The following GNB4 variants were observed in gnomAD, a reference collection of about 807,000 sequenced individuals.
The protein encoded by GNB4 is G protein subunit beta 4, also known as guanine nucleotide-binding protein subunit beta-4.
Under a neutral mutation model 45.2 loss-of-function variants are expected in GNB4, and 28 were observed. The observed-to-expected ratio is 0.62, with a 90% CI of 0.46 to 0.85. GNB4 has a LOEUF of 0.85. GNB4 is among the 40% of genes least tolerant of loss of function. GNB4 has a pLI of 0.00. For synonymous variants in GNB4, 132 were observed against 143.7 expected, an observed-to-expected ratio of 0.92 and a Z score of 0.58; for missense variants, 321 against 425.4, an observed-to-expected ratio of 0.75 and a Z score of 2.16.
chr3:179,437,796 G>T (rs1219770034), intron 1 of GNB4: 1 of 151,978 alleles, frequency 6.6e-6, no homozygotes, highest in African/African-American at 2.4e-5. Context: ...GCCAGGCGCA[G>T]TGGCTCATGC....
chr3:179,417,053 CAAGT>C (rs2108593420), intron 4 of GNB4, among the ~76,000 whole-genome samples: 1 of 152,204 alleles, frequency 6.6e-6, no homozygotes, highest in African/African-American at 2.4e-5. Flanking sequence ...TATATTAAAT[CAAGT>C]AAGTAAAAAC....
intron 9 of GNB4, 38 bp from the exon 10 acceptor site, chr3:179,401,357 G>A (rs1714294918): frequency 1.4e-6 from 2 of 1,427,794 alleles, no homozygotes; most frequent in East Asian, 2.3e-5. Context: ...GCAATTGTAG[G>A]GTTTTAGAAT....
intron 1 of GNB4, among the ~76,000 whole-genome samples, chr3:179,443,599 C>A (rs1715648081): frequency 6.6e-6 from 1 of 152,144 alleles, no homozygotes; most frequent in Non-Finnish European, 1.5e-5. Flanking sequence ...CATCCAGTGT[C>A]TTTCACTGTA....
the GNB4 span, among the ~76,000 whole-genome samples, chr3:179,497,921 G>C: frequency 6.6e-6 from 1 of 152,160 alleles, no homozygotes; most frequent in Non-Finnish European, 1.5e-5. Flanking sequence ...GTGGAGAAAA[G>C]AGAATCTTAT....
At chr3:179,448,238 T>C (rs1204653739) in intron 1 of GNB4, among the ~76,000 whole-genome samples, 9 of 152,214 alleles carry the variant, frequency 5.9e-5, no homozygotes, top group African/African-American at 2.2e-4. Flanking sequence ...GTGCTGGGAT[T>C]ACAGGTGTGA....
At chr3:179,521,400 G>C in the GNB4 span, among the ~76,000 whole-genome samples, 1,328 of 152,244 alleles carry the variant, frequency 8.7e-3, 26 homozygotes, top group African/African-American at 0.03. Flanking sequence ...CCTGTCCTCG[G>C]AATGCTACAG....
chr3:179,501,824 T>C, the GNB4 span, among the ~76,000 whole-genome samples: 4 of 152,238 alleles, frequency 2.6e-5, no homozygotes, highest in African/African-American at 9.7e-5. Context: ...CTGTTTTCTC[T>C]ATCTTTAAGA....
At chr3:179,429,197 T>G (rs931296191) in intron 1 of GNB4, among the ~76,000 whole-genome samples, 1 of 152,182 alleles carries the variant, frequency 6.6e-6, no homozygotes, top group Non-Finnish European at 1.5e-5. Flanking sequence ...TGTCTCCTCA[T>G]GAGATGAAGA....
the GNB4 span, among the ~76,000 whole-genome samples, chr3:179,523,929 A>T: frequency 6.6e-6 from 1 of 152,132 alleles, no homozygotes; most frequent in Non-Finnish European, 1.5e-5. Flanking sequence ...GCAGGTGGGG[A>T]TAACTAAAAA....
chr3:179,523,837 C>A, the GNB4 span, among the ~76,000 whole-genome samples: 1 of 151,946 alleles, frequency 6.6e-6, no homozygotes, highest in Non-Finnish European at 1.5e-5. Flanking sequence ...AAAAGGGCGG[C>A]AATGAGGTGT....
At chr3:179,447,639 T>TG (rs1343139472) in intron 1 of GNB4, among the ~76,000 whole-genome samples, 2 of 152,116 alleles carry the variant, frequency 1.3e-5, no homozygotes, top group African/African-American at 4.8e-5. Context: ...ACAAACCAGT[T>TG]GGGGGGCTCC....
chr3:179,403,855 A>G (rs112626432), intron 9 of GNB4, among the ~76,000 whole-genome samples: 2,241 of 151,984 alleles, frequency 0.015, 66 homozygotes, highest in African/African-American at 0.052. Context: ...TAAAAAACAA[A>G]AAAAGTCAAA....
At chr3:179,523,135 T>G in the GNB4 span, among the ~76,000 whole-genome samples, 11,086 of 152,118 alleles carry the variant, frequency 0.073, 617 homozygotes, top group African/African-American at 0.16. Context: ...GGAAAGGAGC[T>G]GTTTCGTAGA....
intron 1 of GNB4, among the ~76,000 whole-genome samples, chr3:179,438,881 G>T (rs1185647493): frequency 6.6e-6 from 1 of 152,128 alleles, no homozygotes; most frequent in African/African-American, 2.4e-5. Flanking sequence ...TTAAATACTT[G>T]CCCCACCTCA....
chr3:179,413,929 C>G lies in GNB4; in HGVS notation c.431-148G>C, dbSNP rs1035467134. On this transcript the variant is annotated intron_variant, in intron 6 of 9. Transcript: ENST00000232564. ...TCTATAGTTCTACTTTTAGTTACTT[C>G]AAATCCTACATTGTCTATAAACCAA... 2.1e-5 allele frequency: 14 copies of G among 653,550 alleles called. No individual in the cohort carries two copies. In the African/African-American group the frequency reaches 2.6e-4, roughly 12 times the overall value. 40.5% of individuals were successfully genotyped at this position (653,550 alleles called of 1,614,324 possible). A position where few individuals can be genotyped will look rare whatever the true frequency, so the allele number is the denominator to read the frequency against.
the GNB4 span, among the ~76,000 whole-genome samples, chr3:179,512,675 G>C: frequency 6.6e-6 from 1 of 152,156 alleles, no homozygotes; most frequent in East Asian, 1.9e-4. Context: ...ATTCATTTCT[G>C]CTTTGTGCTC....
At chr3:179,519,575 T>G in the GNB4 span, among the ~76,000 whole-genome samples, 1 of 152,208 alleles carries the variant, frequency 6.6e-6, no homozygotes, top group African/African-American at 2.4e-5. Flanking sequence ...CACTCTTTTA[T>G]GCACTCTTTT....
the GNB4 span, among the ~76,000 whole-genome samples, chr3:179,517,874 C>A: frequency 6.6e-6 from 1 of 152,164 alleles, no homozygotes; most frequent in Non-Finnish European, 1.5e-5. Flanking sequence ...TGATTATTCA[C>A]CCACGTTTCA....
At chr3:179,484,264 T>C in the GNB4 span, among the ~76,000 whole-genome samples, 1 of 152,242 alleles carries the variant, frequency 6.6e-6, no homozygotes, top group East Asian at 1.9e-4. Context: ...TTAGAATTGG[T>C]TAACCCTCTA....
Sources: gnomAD v4.1 joint callset for allele counts (sites outside exome capture counted in the v4.1 genomes callset) on GRCh38, gnomAD v4.1.1 for gene constraint, MANE v1.5 for transcripts, NCBI Gene and HGNC (gene_info 2026-07-23, HGNC 2026-07-21) for gene names.